The following GRM7 variants were observed in gnomAD, a reference collection of about 807,000 sequenced individuals.
GRM7 encodes metabotropic glutamate receptor 7.
GRM7 carries 35 observed loss-of-function variants against 84.5 expected under a neutral mutation model. The observed-to-expected ratio is 0.41, with a 90% confidence interval of 0.32 to 0.55. The LOEUF is 0.55. Among genes scored for constraint, GRM7 ranks in the 20% least tolerant of loss-of-function variants. GRM7 has a pLI of 0.19. For missense variants in GRM7, 1,003 were observed against 1,194.6 expected, an observed-to-expected ratio of 0.84 and a Z score of 2.36; for synonymous variants, 487 against 455.1, an observed-to-expected ratio of 1.07 and a Z score of -0.89.
chr3:7,240,123 T>TTTTTTTTTTTG (rs1697498209), intron 2 of GRM7, among the ~76,000 whole-genome samples: 1 of 131,720 alleles, frequency 7.6e-6, no homozygotes, highest in African/African-American at 3.1e-5. Flanking sequence ...ATGTGAGGTT[T>TTTTTTTTTTTG]TTTTTTTTTT....
At chr3:7,325,900 T>C (rs1304240273) in intron 4 of GRM7, among the ~76,000 whole-genome samples, 1 of 152,200 alleles carries the variant, frequency 6.6e-6, no homozygotes, top group African/African-American at 2.4e-5. Flanking sequence ...AAGAAATGCA[T>C]GCCTACATCA....
At chr3:7,463,007 G>A (rs990080623) in intron 7 of GRM7, among the ~76,000 whole-genome samples, 7 of 152,156 alleles carry the variant, frequency 4.6e-5, no homozygotes, top group African/African-American at 1.7e-4. Context: ...TCAAGGTGGG[G>A]GAGTAGTAAT....
rs538270105 is a variant in GRM7 at position 7,158,683 on chromosome 3, A to G, written c.736+12015A>G. 2.6e-5 allele frequency among the ~76,000 whole-genome samples: 4 copies of G among 152,282 alleles called. No homozygotes were observed. The South Asian group carries it at 8.3e-4, about 32-fold the overall frequency. ...AGGTGCTGATCAGAGCTTATAATAC[A>G]GTCCCATGGAAATATTAAATACTAA... On this transcript the variant is annotated intron_variant, in intron 2 of 9. Coordinates refer to ENST00000357716, the MANE Select transcript of GRM7 (RefSeq NM_000844.4).
chr3:7,299,885 C>T (rs906957406), intron 3 of GRM7, among the ~76,000 whole-genome samples: 1 of 151,930 alleles, frequency 6.6e-6, no homozygotes, highest in Non-Finnish European at 1.5e-5. Flanking sequence ...TCCTTTTGCA[C>T]AAATCTGTGT....
intron 2 of GRM7, among the ~76,000 whole-genome samples, chr3:7,211,069 T>G (rs1406922129): frequency 6.6e-6 from 1 of 152,224 alleles, no homozygotes; most frequent in Non-Finnish European, 1.5e-5. Context: ...TTTATTATTT[T>G]GTTTATTACT....
intron 1 of GRM7, among the ~76,000 whole-genome samples, chr3:7,027,744 C>T (rs1696031620): frequency 6.6e-6 from 1 of 152,186 alleles, no homozygotes; most frequent in African/African-American, 2.4e-5. Context: ...GCCTCCCTCA[C>T]CTGAGACTTC....
chr3:7,605,086 T>G (rs58220742), intron 8 of GRM7, among the ~76,000 whole-genome samples: 57 of 152,256 alleles, frequency 3.7e-4, no homozygotes, highest in African/African-American at 1.2e-3. Flanking sequence ...GGAGTAGAGT[T>G]TTTGATTAAA....
intron 2 of GRM7, among the ~76,000 whole-genome samples, chr3:7,222,093 GC>G (rs1189810584): frequency 6.6e-6 from 1 of 151,828 alleles, no homozygotes; most frequent in African/African-American, 2.4e-5. Flanking sequence ...ACAGGCGCGA[GC>G]CCCCGCACCC....
At chr3:7,640,162 A>G (rs912301542) in intron 8 of GRM7, among the ~76,000 whole-genome samples, 4 of 152,172 alleles carry the variant, frequency 2.6e-5, no homozygotes, top group African/African-American at 9.7e-5. Context: ...TTTTACATAT[A>G]GTTGATGACC....
chr3:6,967,611 G>A (rs1188803411), intron 1 of GRM7, among the ~76,000 whole-genome samples: 4 of 152,136 alleles, frequency 2.6e-5, no homozygotes, highest in Non-Finnish European at 4.4e-5. Flanking sequence ...TATATTTTCA[G>A]TCTTTATGAA....
intron 7 of GRM7, among the ~76,000 whole-genome samples, chr3:7,479,635 T>A (rs533845542): frequency 3.3e-5 from 5 of 152,368 alleles, no homozygotes; most frequent in Admixed American, 3.3e-4. Context: ...CCAGTCACTA[T>A]GCTGTCTCAC....
intron 7 of GRM7, among the ~76,000 whole-genome samples, chr3:7,556,575 T>C (rs769128461): frequency 6.6e-6 from 1 of 152,176 alleles, no homozygotes; most frequent in Non-Finnish European, 1.5e-5. Context: ...GTTGTCTGTT[T>C]GGTGCCAGGC....
chr3:7,588,624 C>T (rs1358442630), intron 8 of GRM7, among the ~76,000 whole-genome samples: 1 of 152,122 alleles, frequency 6.6e-6, no homozygotes, highest in South Asian at 2.1e-4. Flanking sequence ...ATAGAGAGAT[C>T]ATAGAGCAAG....
intron 2 of GRM7, among the ~76,000 whole-genome samples, chr3:7,191,581 G>T (rs1250053291): frequency 6.6e-6 from 1 of 151,400 alleles, no homozygotes; most frequent in African/African-American, 2.4e-5. Context: ...ACACAATATT[G>T]GTAAAAGCTA....
intron 4 of GRM7, among the ~76,000 whole-genome samples, chr3:7,391,983 C>G (rs547849528): frequency 6.6e-6 from 1 of 152,132 alleles, no homozygotes; most frequent in Admixed American, 6.5e-5. Flanking sequence ...CAAGAGATAA[C>G]CCCCTCTCTA....
rs1160568167 is a variant in GRM7, at chr3:6,862,871, G to A, written c.519+964G>A. ...CGGGGCCCCGTGGTCCTCCTGCTCC[G>A]GTGCCGGAGGGAGACGGAGAAAAAA... On this transcript the variant is annotated intron_variant, in intron 1 of 9. Transcript: ENST00000357716. The surrounding 1 kb of genome is among the most constrained non-coding windows in gnomAD (Gnocchi z 5.2). 8 of 385,816 alleles carry A rather than the reference G, an allele frequency of 2.1e-5. No individual in the cohort carries two copies. The highest frequency in any genetic ancestry group is 3.7e-5 in the Non-Finnish European group (7 of 191,510). 23.9% of individuals were successfully genotyped at this position (385,816 alleles called of 1,614,324 possible). A position where few individuals can be genotyped will look rare whatever the true frequency, so the allele number is the denominator to read the frequency against.
At position 6,928,513 on chromosome 3, in the gene GRM7, G is replaced by T. The variant is rs918345680; in HGVS notation, c.519+66606G>T. 1.3e-5 allele frequency among the ~76,000 whole-genome samples: 2 copies of T among 152,090 alleles called. No homozygotes were observed. Among genetic ancestry groups the T allele is most frequent in the African/African-American group, 4.8e-5 (2 of 41,420 alleles). On this transcript the variant is annotated intron_variant, in intron 1 of 9. Coordinates refer to ENST00000357716, the MANE Select transcript of GRM7 (RefSeq NM_000844.4). This position sits in a 1 kb window ranked among gnomAD's most constrained non-coding sequence, Gnocchi z 4.5. Reference sequence around the variant, plus strand: ...TTATTATTAAGTATAATTAATAGTTGCCAAGCAGATGTTTTTCCTAACCAA... The same window carrying T: ...TTATTATTAAGTATAATTAATAGTTTCCAAGCAGATGTTTTTCCTAACCAA...
chr3:6,894,400 T>C (rs923527709), intron 1 of GRM7, among the ~76,000 whole-genome samples: 3 of 152,164 alleles, frequency 2.0e-5, no homozygotes, highest in African/African-American at 7.2e-5. Context: ...TTCTAGCTAA[T>C]GAAACATGAT....
At chr3:7,712,383 C>G (rs1701609958) in intron 9 of GRM7, among the ~76,000 whole-genome samples, 1 of 152,086 alleles carries the variant, frequency 6.6e-6, no homozygotes, top group African/African-American at 2.4e-5. Flanking sequence ...GCACCCAGCC[C>G]AAAGGCCTAT....
Sources: allele counts gnomAD v4.1 joint callset (sites outside exome capture counted in the v4.1 genomes callset), GRCh38; gene constraint gnomAD v4.1.1; non-coding constraint Gnocchi (gnomAD v3.1); transcripts MANE v1.5; gene names NCBI Gene and HGNC (gene_info 2026-07-23, HGNC 2026-07-21).